ERBB4: variants seen among roughly 807,000 people sequenced by gnomAD.
The protein encoded by ERBB4 is erb-b2 receptor tyrosine kinase 4.
In ERBB4, 42 loss-of-function variants were observed where a neutral mutation model predicts 158.0. The observed-to-expected ratio is 0.27, with a 90% CI of 0.21 to 0.34. The LOEUF (loss-of-function observed/expected upper bound fraction) is 0.34, where lower values mean the gene tolerates loss of function less well. ERBB4 is among the 10% of genes least tolerant of loss of function. The pLI is 1.00. For missense variants in ERBB4, 1,333 were observed against 1,624.1 expected, an observed-to-expected ratio of 0.82 and a Z score of 3.08; for synonymous variants, 583 against 558.7, an observed-to-expected ratio of 1.04 and a Z score of -0.61.
Position 212,062,578 on chromosome 2 carries a change from T to C in ERBB4, c.234+62174A>G, listed in dbSNP as rs376270493. ...ATGCACCACCATGCTCAACTAATTT[T>C]GTATTTTTAGTACAGAGGGGGTTTC... On this transcript the variant is annotated intron_variant, in intron 2 of 27. Coordinates refer to ENST00000342788, the MANE Select transcript of ERBB4 (RefSeq NM_005235.3). Among the ~76,000 whole-genome samples the C allele has an allele frequency of 2.5e-3, 386 of 152,174 alleles. 1 individual carries two copies. Among genetic ancestry groups the C allele is most frequent in the African/African-American group, 8.9e-3 (371 of 41,524 alleles).
At chr2:212,526,688 C>G (rs1385871021) in intron 1 of ERBB4, among the ~76,000 whole-genome samples, 1 of 151,962 alleles carries the variant, frequency 6.6e-6, no homozygotes, top group African/African-American at 2.4e-5. Context: ...AAGATCTACA[C>G]TCTCTATTAT....
intron 20 of ERBB4, among the ~76,000 whole-genome samples, chr2:211,447,442 C>A (rs191971093): frequency 1.2e-4 from 18 of 151,956 alleles, no homozygotes; most frequent in African/African-American, 4.3e-4. Context: ...CACAATCTTA[C>A]GCAAAGATAT....
At chr2:212,293,502 A>T (rs2086283741) in intron 1 of ERBB4, among the ~76,000 whole-genome samples, 1 of 152,100 alleles carries the variant, frequency 6.6e-6, no homozygotes, top group Non-Finnish European at 1.5e-5. Flanking sequence ...CCATCATCAT[A>T]TACAATTTTC....
At chr2:211,528,926 C>T (rs2066421728) in intron 20 of ERBB4, among the ~76,000 whole-genome samples, 1 of 151,350 alleles carries the variant, frequency 6.6e-6, no homozygotes, top group African/African-American at 2.4e-5. Flanking sequence ...AGAAAATAAC[C>T]TAATGATGCA....
chr2:211,522,485 C>T (rs760929227), intron 20 of ERBB4, among the ~76,000 whole-genome samples: 1 of 152,074 alleles, frequency 6.6e-6, no homozygotes, highest in Non-Finnish European at 1.5e-5. Context: ...ATGGTGAAGG[C>T]GTTGTGAACA....
At chr2:212,242,992 T>C (rs1301947961) in intron 1 of ERBB4, among the ~76,000 whole-genome samples, 1 of 152,138 alleles carries the variant, frequency 6.6e-6, no homozygotes, top group Non-Finnish European at 1.5e-5. Flanking sequence ...CTTTTCCCCA[T>C]TGCATGAAAT....
At chr2:212,524,105 T>G (rs1692318868) in intron 1 of ERBB4, among the ~76,000 whole-genome samples, 2 of 152,022 alleles carry the variant, frequency 1.3e-5, no homozygotes, top group Non-Finnish European at 2.9e-5. Flanking sequence ...ATCTCCTTAT[T>G]TCTTTAATCA....
intron 13 of ERBB4, among the ~76,000 whole-genome samples, chr2:211,674,568 T>A (rs2071979736): frequency 6.6e-6 from 1 of 152,130 alleles, no homozygotes; most frequent in African/African-American, 2.4e-5. Flanking sequence ...TTGTTATGGA[T>A]CAAACCTTTT....
intron 1 of ERBB4, among the ~76,000 whole-genome samples, chr2:212,352,386 C>A: frequency 6.7e-6 from 1 of 149,370 alleles, no homozygotes. Flanking sequence ...AAGAAATAAT[C>A]AAGACAAAAA....
intron 1 of ERBB4, among the ~76,000 whole-genome samples, chr2:212,530,793 G>T (rs1692715161): frequency 1.3e-5 from 2 of 152,158 alleles, no homozygotes; most frequent in African/African-American, 4.8e-5. Context: ...AGTAAGTAAA[G>T]GTCAGCAGAG....
At chr2:211,423,601 T>C (rs566215669) in intron 23 of ERBB4, among the ~76,000 whole-genome samples, 38 of 152,058 alleles carry the variant, frequency 2.5e-4, no homozygotes, top group Admixed American at 5.2e-4. Flanking sequence ...AAACAAATGA[T>C]CAAATTGAAA....
intron 16 of ERBB4, among the ~76,000 whole-genome samples, chr2:211,637,200 C>G (rs1052723311): frequency 1.3e-4 from 19 of 151,832 alleles, no homozygotes; most frequent in African/African-American, 4.6e-4. Flanking sequence ...CAAATGTATG[C>G]TCAGGGGTAT....
intron 19 of ERBB4, among the ~76,000 whole-genome samples, chr2:211,608,961 T>G (rs553569558): frequency 2.0e-5 from 3 of 152,176 alleles, no homozygotes; most frequent in African/African-American, 7.2e-5. Context: ...TCTAGCAATC[T>G]GGGGTCATCT....
At chr2:212,516,195 A>G (rs1691832959) in intron 1 of ERBB4, among the ~76,000 whole-genome samples, 2 of 152,016 alleles carry the variant, frequency 1.3e-5, no homozygotes, top group South Asian at 2.1e-4. Context: ...GCAAAATGTT[A>G]TTAGTACAAA....
chr2:212,116,027 TTTTA>T (rs2079561824), intron 2 of ERBB4, among the ~76,000 whole-genome samples: 1 of 152,048 alleles, frequency 6.6e-6, no homozygotes, highest in Non-Finnish European at 1.5e-5. Context: ...TTGCAAACAG[TTTTA>T]TTGTTATTTA....
At chr2:211,394,878 T>C (rs1478485986) in intron 25 of ERBB4, among the ~76,000 whole-genome samples, 1 of 149,524 alleles carries the variant, frequency 6.7e-6, no homozygotes, top group East Asian at 1.9e-4. Flanking sequence ...CAGGATTGTA[T>C]TCTTGAATAG....
rs2079734871 is a variant in ERBB4 at position 212,121,137 on chromosome 2, CT to C, written c.234+3614del. ...TTATGAAGATTTTGGCAAATAGTCT[CT>C]GCTTTCAGGGCCCAGTAAGAAAAGT... On this transcript the variant is annotated intron_variant, in intron 2 of 27. Coordinates refer to ENST00000342788, the MANE Select transcript of ERBB4 (RefSeq NM_005235.3). 5.3e-5 allele frequency among the ~76,000 whole-genome samples: 8 copies of C among 152,312 alleles called. No individual in the cohort carries two copies. The South Asian group carries it at 1.7e-3, about 32-fold the overall frequency.
chr2:211,472,390 T>C (rs975818718), intron 20 of ERBB4, among the ~76,000 whole-genome samples: 3 of 150,804 alleles, frequency 2.0e-5, no homozygotes, highest in African/African-American at 7.3e-5. Context: ...TCTACATAGA[T>C]TGTGTCATGA....
intron 2 of ERBB4, among the ~76,000 whole-genome samples, chr2:211,958,026 T>C (rs1381647438): frequency 6.6e-6 from 1 of 152,106 alleles, no homozygotes; most frequent in Non-Finnish European, 1.5e-5. Flanking sequence ...GTGACTAGTC[T>C]GTTGTTATTT....
Sources: allele counts gnomAD v4.1 joint callset (sites outside exome capture counted in the v4.1 genomes callset), GRCh38; gene constraint gnomAD v4.1.1; transcripts MANE v1.5; gene names NCBI Gene and HGNC (gene_info 2026-07-23, HGNC 2026-07-21).